Variants in LINGO1 observed in about 807,000 individuals in gnomAD.
The protein encoded by LINGO1 is leucine rich repeat and Ig domain containing 1.
LINGO1 carries 11 observed loss-of-function variants against 37.3 expected under a neutral mutation model. The ratio of observed to expected loss-of-function variants is 0.29; its 90% confidence interval spans 0.19 to 0.49. The LOEUF is 0.49. Among genes scored for constraint, LINGO1 ranks in the 20% least tolerant of loss-of-function variants. The probability of loss-of-function intolerance (pLI) is 0.99; values close to 1 mark genes in which losing one functional copy is unlikely to be tolerated. For missense variants in LINGO1, 585 were observed against 878.2 expected, an observed-to-expected ratio of 0.67 and a Z score of 4.22; for synonymous variants, 387 against 403.0, an observed-to-expected ratio of 0.96 and a Z score of 0.48.
At chr15:77,671,994 G>GCCTCTGCCT (rs1430767247) in intron 3 of LINGO1, among the ~76,000 whole-genome samples, 3 of 140,926 alleles carry the variant, frequency 2.1e-5, no homozygotes, top group Non-Finnish European at 4.4e-5. Context: ...CACATGATGA[G>GCCTCTGCCT]CCTCTGCCTC....
chr15:77,777,983 G>A (rs1285773127), intron 1 of LINGO1, among the ~76,000 whole-genome samples: 1 of 151,784 alleles, frequency 6.6e-6, no homozygotes, highest in Non-Finnish European at 1.5e-5. Context: ...GAGTAAGGGA[G>A]TGAGGGAGGG....
chr15:77,807,071 C>T (rs971937472), intron 1 of LINGO1, among the ~76,000 whole-genome samples: 2 of 152,344 alleles, frequency 1.3e-5, no homozygotes, highest in South Asian at 2.1e-4. Flanking sequence ...TCTCTGCCTT[C>T]GCATGCTGTT....
At chr15:77,801,572 A>G (rs2076918814) in intron 1 of LINGO1, among the ~76,000 whole-genome samples, 1 of 144,778 alleles carries the variant, frequency 6.9e-6, no homozygotes, top group Non-Finnish European at 1.5e-5. Context: ...CAGAAAAACA[A>G]AATCAATAAA....
intron 3 of LINGO1, among the ~76,000 whole-genome samples, chr15:77,656,138 A>G (rs1462166521): frequency 1.3e-5 from 2 of 152,186 alleles, no homozygotes; most frequent in Non-Finnish European, 2.9e-5. Flanking sequence ...AGTTGACTTG[A>G]ATCTCAGGCA....
At position 77,660,633 on chromosome 15, in the gene LINGO1, C is replaced by A. The variant is rs149387436; in HGVS notation, c.-13+16456G>T. Among the ~76,000 whole-genome samples the A allele has an allele frequency of 5.9e-5, 9 of 152,328 alleles. No individual in the cohort carries two copies. In the East Asian group the frequency reaches 1.4e-3, roughly 23 times the overall value. ...CTTTGTCAACATTTCTCCTTAAACT[C>A]CCACCAATTAGAAATTCATTCGGGC... On this transcript the variant is annotated intron_variant, in intron 3 of 3. Coordinates refer to the LINGO1 transcript ENST00000559893.
At chr15:77,685,937 C>T (rs1336020623) in intron 2 of LINGO1, among the ~76,000 whole-genome samples, 1 of 152,192 alleles carries the variant, frequency 6.6e-6, no homozygotes, top group African/African-American at 2.4e-5. Context: ...CAGAGCCCCA[C>T]GATCCTGAGC....
At chr15:77,776,367 C>T (rs770296452) in intron 1 of LINGO1, among the ~76,000 whole-genome samples, 1 of 148,854 alleles carries the variant, frequency 6.7e-6, no homozygotes, top group Non-Finnish European at 1.5e-5. Context: ...CCATGGATTC[C>T]CTCCTGCCCT....
At position 77,724,340 on chromosome 15, in the gene LINGO1, G is replaced by T. The variant is rs373405331; in HGVS notation, c.-195+10652C>A. The stretch of plus-strand genomic sequence containing the variant: ...GTGAATTGGGCAGGGAGGGTGGCGT[G>T]AGCCAGGCCAGGAGATGATTTTGGC... On this transcript the variant is annotated intron_variant, in intron 2 of 3. Transcript: ENST00000561686. Among the ~76,000 whole-genome samples, 6 of 152,370 alleles carry T rather than the reference G, an allele frequency of 3.9e-5. No homozygotes were observed. In the South Asian group the frequency reaches 8.3e-4, roughly 21 times the overall value.
chr15:77,720,166 C>T (rs566833836), intron 2 of LINGO1, among the ~76,000 whole-genome samples: 25 of 136,026 alleles, frequency 1.8e-4, no homozygotes, highest in African/African-American at 5.7e-4. Context: ...ACTCCAATAC[C>T]GATCCTGGCC....
chr15:77,775,149 G>A (rs1443963282), intron 1 of LINGO1, among the ~76,000 whole-genome samples: 7 of 152,094 alleles, frequency 4.6e-5, no homozygotes, highest in Admixed American at 3.3e-4. Context: ...CCTCCAACCC[G>A]CCCCTTTCTC....
intron 2 of LINGO1, among the ~76,000 whole-genome samples, chr15:77,679,409 G>A (rs1053691349): frequency 2.0e-5 from 3 of 152,186 alleles, no homozygotes; most frequent in African/African-American, 7.2e-5. Flanking sequence ...TCTGGTACTG[G>A]ATAATGATGA....
chr15:77,705,167 CT>C (rs2075834315), intron 2 of LINGO1, among the ~76,000 whole-genome samples: 1 of 54,324 alleles, frequency 1.8e-5, no homozygotes, highest in Admixed American at 2.7e-4. Flanking sequence ...CCCCCTCCCC[CT>C]GCCATGACAC....
intron 1 of LINGO1, among the ~76,000 whole-genome samples, chr15:77,776,348 C>T (rs960886255): frequency 1.4e-4 from 21 of 151,640 alleles, no homozygotes; most frequent in African/African-American, 5.1e-4. Flanking sequence ...CCTTCCAGCA[C>T]CCCCTCCACC....
intron 2 of LINGO1, among the ~76,000 whole-genome samples, chr15:77,681,241 T>C (rs1036215198): frequency 6.6e-6 from 1 of 152,106 alleles, no homozygotes; most frequent in Non-Finnish European, 1.5e-5. Flanking sequence ...TTTTTTTTCT[T>C]TGTAAATGAG....
intron 1 of LINGO1, among the ~76,000 whole-genome samples, chr15:77,765,996 T>C (rs1052691141): frequency 6.6e-6 from 1 of 152,176 alleles, no homozygotes; most frequent in African/African-American, 2.4e-5. Context: ...GACCATTTGT[T>C]CAGGGCTAGA....
intron 1 of LINGO1, among the ~76,000 whole-genome samples, chr15:77,749,469 T>C (rs2076349622): frequency 6.6e-6 from 1 of 152,234 alleles, no homozygotes; most frequent in Non-Finnish European, 1.5e-5. Flanking sequence ...CTCACAGCCC[T>C]GGTAAGAAAA....
intron 2 of LINGO1, among the ~76,000 whole-genome samples, chr15:77,732,866 T>C (rs1349152794): frequency 6.6e-6 from 1 of 152,208 alleles, no homozygotes; most frequent in African/African-American, 2.4e-5. Context: ...ATTTCAAAGA[T>C]TTCAAGAGGC....
Position 77,664,168 on chromosome 15 carries a change from T to TGCGCGCGCGC in LINGO1, c.-13+12920_-13+12921insGCGCGCGCGC, listed in dbSNP as rs1459404193. Among the ~76,000 whole-genome samples the TGCGCGCGCGC allele has an allele frequency of 7.5e-3, 899 of 120,212 alleles. 4 individuals carry two copies. The highest frequency in any genetic ancestry group is 0.022 in the African/African-American group (490 of 22,782). The allele number at this position is 120,212 out of a possible 152,430, so 78.9% of individuals were successfully genotyped here. On this transcript the variant is annotated intron_variant, in intron 3 of 3. Transcript: ENST00000559893. ...GTGTGTGTGTGTGTGTGTGTGTGTG[T>TGCGCGCGCGC]GTGCGCGCGCGCATGCGTTTGCATT...
intron 3 of LINGO1, among the ~76,000 whole-genome samples, chr15:77,664,126 G>A (rs2075059865): frequency 7.7e-6 from 1 of 130,272 alleles, no homozygotes; most frequent in African/African-American, 3.0e-5. Context: ...TGCCACACAG[G>A]AGCAGTGTGT....
Sources: gnomAD v4.1 joint callset for allele counts (sites outside exome capture counted in the v4.1 genomes callset) on GRCh38, gnomAD v4.1.1 for gene constraint, MANE v1.5 for transcripts, NCBI Gene and HGNC (gene_info 2026-07-23, HGNC 2026-07-21) for gene names.